The following WDHD1 variants were observed in gnomAD, a reference collection of about 807,000 sequenced individuals.
WDHD1 encodes the protein WD repeat and HMG-box DNA-binding protein 1.
In WDHD1, 111 loss-of-function variants were observed where a neutral mutation model predicts 135.4. The ratio of observed to expected loss-of-function variants is 0.82; its 90% confidence interval spans 0.70 to 0.96. The LOEUF (loss-of-function observed/expected upper bound fraction) is 0.96, where lower values mean the gene tolerates loss of function less well. Ranked by LOEUF, WDHD1 falls within the 40% of genes least tolerant of loss-of-function variation. The pLI is 0.00. For synonymous variants in WDHD1, 434 were observed against 439.0 expected (o/e 0.99, Z 0.14); for missense variants, 1,351 against 1,336.3 (o/e 1.01, Z -0.17).
chr14:54,954,316 A>G (rs2041115237), intron 24 of WDHD1, among the ~76,000 whole-genome samples: 1 of 152,098 alleles, frequency 6.6e-6, no homozygotes, highest in African/African-American at 2.4e-5. Context: ...AAAGAAATCC[A>G]GCATAGTAGA....
intron 10 of WDHD1, among the ~76,000 whole-genome samples, chr14:54,997,366 G>T (rs1229705442): frequency 1.3e-5 from 2 of 152,102 alleles, no homozygotes; most frequent in African/African-American, 2.4e-5. Context: ...AAAGTTCTGG[G>T]ATTGTAGGCG....
intron 16 of WDHD1, among the ~76,000 whole-genome samples, chr14:54,980,016 C>T (rs2041591088): frequency 6.6e-6 from 1 of 152,154 alleles, no homozygotes; most frequent in Admixed American, 6.6e-5. Context: ...AATGTACCAG[C>T]CATATCATAT....
At chr14:55,020,071 T>C in intron 2 of WDHD1, among the ~76,000 whole-genome samples, 1 of 152,204 alleles carries the variant, frequency 6.6e-6, no homozygotes, top group East Asian at 1.9e-4. Flanking sequence ...ATGAGGTTCA[T>C]GGTGAGGCAC....
intron 16 of WDHD1, among the ~76,000 whole-genome samples, chr14:54,968,846 C>T (rs2041385785): frequency 6.6e-6 from 1 of 152,038 alleles, no homozygotes; most frequent in Non-Finnish European, 1.5e-5. Context: ...TTTGACACCA[C>T]CCTGGGCAAC....
intron 16 of WDHD1, among the ~76,000 whole-genome samples, chr14:54,973,759 C>T (rs1018014463): frequency 6.6e-6 from 1 of 152,052 alleles, no homozygotes; most frequent in Non-Finnish European, 1.5e-5. Context: ...ACATTTTTTT[C>T]TAAAATGTCC....
intron 18 of WDHD1, among the ~76,000 whole-genome samples, chr14:54,966,164 TAA>T (rs34071862): frequency 6.0e-5 from 4 of 67,196 alleles, no homozygotes; most frequent in African/African-American, 2.1e-4. Flanking sequence ...CCATCTCTAC[TAA>T]AAAAAAAAAA....
chr14:55,004,242 T>C (rs991619318), intron 7 of WDHD1, among the ~76,000 whole-genome samples: 10 of 152,200 alleles, frequency 6.6e-5, no homozygotes, highest in African/African-American at 1.2e-4. Context: ...TTGCTAAATC[T>C]CCTTTTCTCT....
At position 55,019,705 on chromosome 14, in the gene WDHD1, C is replaced by T. The variant is rs181228706; in HGVS notation, c.78-6109G>A. Among the ~76,000 whole-genome samples the T allele has an allele frequency of 2.5e-3, 383 of 152,228 alleles. 5 individuals are homozygous for T. The highest frequency in any genetic ancestry group is 0.024 in the South Asian group (116 of 4,814). Reference sequence around the variant, plus strand: ...CCAACATGACGAAACCTTGTCTCTACTAAAAATACAAAAATTAGCCAGCTG... The same window carrying T: ...CCAACATGACGAAACCTTGTCTCTATTAAAAATACAAAAATTAGCCAGCTG... On this transcript the variant is annotated intron_variant, in intron 2 of 25. Transcript: ENST00000360586.
chr14:54,965,782 C>G (rs1453458045), intron 18 of WDHD1, among the ~76,000 whole-genome samples: 2 of 151,608 alleles, frequency 1.3e-5, no homozygotes, highest in Non-Finnish European at 2.9e-5. Flanking sequence ...GTGGTGAAAC[C>G]CTGTTTCTAC....
intron 2 of WDHD1, among the ~76,000 whole-genome samples, chr14:55,017,382 G>A (rs1280435125): frequency 1.3e-5 from 2 of 151,676 alleles, no homozygotes; most frequent in African/African-American, 4.8e-5. Context: ...TTGCTCTGTT[G>A]CTCAGGCTGG....
At chr14:54,985,352 G>A (rs748313757) in intron 14 of WDHD1, among the ~76,000 whole-genome samples, 32 of 152,180 alleles carry the variant, frequency 2.1e-4, no homozygotes, top group Non-Finnish European at 1.5e-4. Context: ...AGCCTGCCAT[G>A]CAAACATTAG....
intron 17 of WDHD1, 57 bp downstream of exon 17, chr14:54,967,223 T>C (rs2041359052): frequency 1.5e-6 from 2 of 1,293,418 alleles, no homozygotes; most frequent in African/African-American, 1.5e-5. Flanking sequence ...TTAAAGTGTG[T>C]GTATCACAGG....
chr14:54,994,647 G>T (rs1022476313), intron 11 of WDHD1, among the ~76,000 whole-genome samples: 1 of 151,652 alleles, frequency 6.6e-6, no homozygotes, highest in African/African-American at 2.4e-5. Flanking sequence ...TGTAATCCCA[G>T]CTACTCAGGA....
intron 11 of WDHD1, 58 bp downstream of exon 11, chr14:54,995,545 T>A: frequency 7.4e-7 from 1 of 1,342,310 alleles, no homozygotes; most frequent in Non-Finnish European, 1.0e-6. Context: ...ATAGTGTTAA[T>A]AAAAAATCTA....
At chr14:54,981,151 T>C (rs1047803904) in intron 16 of WDHD1, among the ~76,000 whole-genome samples, 3 of 152,106 alleles carry the variant, frequency 2.0e-5, no homozygotes, top group African/African-American at 4.8e-5. Flanking sequence ...AAGCAAAACA[T>C]CTCAAAAAGC....
intron 18 of WDHD1, among the ~76,000 whole-genome samples, chr14:54,966,164 T>TAAAAAAA (rs34071862): frequency 1.5e-5 from 1 of 67,198 alleles, no homozygotes. Context: ...CCATCTCTAC[T>TAAAAAAA]AAAAAAAAAA....
At chr14:54,946,651 C>G (rs1297699986) in intron 24 of WDHD1, among the ~76,000 whole-genome samples, 1 of 152,066 alleles carries the variant, frequency 6.6e-6, no homozygotes. Context: ...ACACACCTGG[C>G]TGATTTTAAA....
chr14:54,947,311 C>G (rs550994985), intron 24 of WDHD1, among the ~76,000 whole-genome samples: 104 of 152,120 alleles, frequency 6.8e-4, no homozygotes, highest in Non-Finnish European at 1.4e-3. Context: ...GCATTGCAGT[C>G]TGGGCAACAA....
At chr14:54,997,252 C>T (rs570438968) in intron 10 of WDHD1, among the ~76,000 whole-genome samples, 1 of 151,776 alleles carries the variant, frequency 6.6e-6, no homozygotes, top group Non-Finnish European at 1.5e-5. Flanking sequence ...TACACAACCA[C>T]ACCTGGCTAA....
Sources: gnomAD v4.1 joint callset for allele counts (sites outside exome capture counted in the v4.1 genomes callset) on GRCh38, gnomAD v4.1.1 for gene constraint, MANE v1.5 for transcripts, NCBI Gene and HGNC (gene_info 2026-07-23, HGNC 2026-07-21) for gene names.